The following FMNL2 variants were observed in gnomAD, a reference collection of about 807,000 sequenced individuals.
FMNL2 encodes formin like 2.
A neutral mutation model predicts 130.2 loss-of-function variants in FMNL2; 51 were observed. The observed-to-expected ratio is 0.39, with a 90% confidence interval of 0.31 to 0.49. FMNL2 has a LOEUF of 0.49. Ranked by LOEUF, FMNL2 falls within the 20% of genes least tolerant of loss-of-function variation. The pLI is 0.85. For synonymous variants in FMNL2, 465 were observed against 467.1 expected, an observed-to-expected ratio of 1.00 and a Z score of 0.06; for missense variants, 977 against 1,316.2, an observed-to-expected ratio of 0.74 and a Z score of 3.99.
At chr2:152,585,159 T>C (rs1449588555) in intron 9 of FMNL2, among the ~76,000 whole-genome samples, 1 of 152,216 alleles carries the variant, frequency 6.6e-6, no homozygotes, top group African/African-American at 2.4e-5. Context: ...TTGAATTCTT[T>C]TTTCCTTAAA....
At chr2:152,375,315 G>A (rs987485151) in intron 1 of FMNL2, among the ~76,000 whole-genome samples, 3 of 152,238 alleles carry the variant, frequency 2.0e-5, no homozygotes, top group Non-Finnish European at 2.9e-5. Context: ...ACCAGCAGTA[G>A]CTCTTCAGCC....
At position 152,487,504 on chromosome 2, in the gene FMNL2, A is replaced by T. The variant is rs1246074762; in HGVS notation, c.118-34439A>T. ...ACATTATCTATCAATGATATCGGCGAAAACTAAAATTATTAGGAAGTAAGC... is the reference window on the plus strand; with the variant it reads ...ACATTATCTATCAATGATATCGGCGTAAACTAAAATTATTAGGAAGTAAGC... On this transcript the variant is annotated intron_variant, in intron 1 of 25. Coordinates refer to ENST00000288670, the MANE Select transcript of FMNL2 (RefSeq NM_052905.4). Among the ~76,000 whole-genome samples, 4 of 152,248 alleles carry T rather than the reference A, an allele frequency of 2.6e-5. No individual in the cohort carries two copies. In the East Asian group the frequency reaches 7.7e-4, roughly 29 times the overall value.
intron 3 of FMNL2, among the ~76,000 whole-genome samples, chr2:152,547,653 G>C (rs537471346): frequency 6.6e-6 from 1 of 152,142 alleles, no homozygotes; most frequent in African/African-American, 2.4e-5. Context: ...AGGTGTGGGC[G>C]TAGCTCTTGC....
intron 1 of FMNL2, among the ~76,000 whole-genome samples, chr2:152,466,884 A>AT (rs2105158111): frequency 6.6e-6 from 1 of 152,060 alleles, no homozygotes; most frequent in East Asian, 1.9e-4. Flanking sequence ...CTTTCTATGG[A>AT]TTTTTGGTTG....
chr2:152,583,232 T>C (rs751449566), intron 9 of FMNL2, among the ~76,000 whole-genome samples: 19 of 151,944 alleles, frequency 1.3e-4, no homozygotes, highest in Non-Finnish European at 2.4e-4. Flanking sequence ...TAATCAGGAG[T>C]GATGGTAGGT....
intron 1 of FMNL2, among the ~76,000 whole-genome samples, chr2:152,452,500 A>G (rs76968526): frequency 0.088 from 13,323 of 150,560 alleles, 865 homozygotes; most frequent in Admixed American, 0.22. Context: ...TTCTTGGCAA[A>G]GGCGAATCAA....
intron 6 of FMNL2, among the ~76,000 whole-genome samples, chr2:152,569,179 G>C (rs1293584676): frequency 1.4e-5 from 2 of 144,332 alleles, no homozygotes; most frequent in African/African-American, 5.2e-5. Flanking sequence ...ACTTTAACCA[G>C]AACACTAACT....
rs765781840 is a variant in FMNL2 at position 152,560,910 on chromosome 2, T to C, written c.471T>C (p.Thr157=). 16 of 1,612,850 alleles carry C rather than the reference T, an allele frequency of 9.9e-6. 1 individual carries two copies. The South Asian group carries it at 1.7e-4, about 17-fold the overall frequency. Reference sequence around the variant, plus strand: ...TTGACTTTGAAAGTGTGGAGAGTACTGTGGAGAGCTCGGTGGACAAATCAA... The same window carrying C: ...TTGACTTTGAAAGTGTGGAGAGTACCGTGGAGAGCTCGGTGGACAAATCAA... ...VTFDFESVES[T]VESSVDKSKP... Residue 157 remains threonine, a synonymous_variant, in exon 6 of 26, where the codon ACT becomes ACC. Transcript: ENST00000288670.
At chr2:152,420,093 T>C (rs1686830703) in intron 1 of FMNL2, among the ~76,000 whole-genome samples, 1 of 152,150 alleles carries the variant, frequency 6.6e-6, no homozygotes, top group South Asian at 2.1e-4. Context: ...ACCAAAAGGC[T>C]AAAGCAGTAA....
chr2:152,446,142 G>A (rs1425942948), intron 1 of FMNL2, among the ~76,000 whole-genome samples: 4 of 152,182 alleles, frequency 2.6e-5, no homozygotes, highest in Non-Finnish European at 5.9e-5. Flanking sequence ...CTCATACTTG[G>A]CATTATAGTC....
At chr2:152,478,237 TA>T (rs1690266749) in intron 1 of FMNL2, among the ~76,000 whole-genome samples, 2 of 41,890 alleles carry the variant, frequency 4.8e-5, no homozygotes, top group African/African-American at 6.8e-5. Flanking sequence ...TACATATATA[TA>T]TATATATATA....
At chr2:152,420,867 A>G (rs530528091) in intron 1 of FMNL2, among the ~76,000 whole-genome samples, 2 of 152,194 alleles carry the variant, frequency 1.3e-5, no homozygotes, top group Non-Finnish European at 2.9e-5. Flanking sequence ...TCCCAGTTGT[A>G]GAAGCATCAT....
At chr2:152,617,660 G>A (rs1351234591) in intron 13 of FMNL2, among the ~76,000 whole-genome samples, 3 of 148,622 alleles carry the variant, frequency 2.0e-5, no homozygotes, top group African/African-American at 7.3e-5. Context: ...CCAAAAAAAG[G>A]GAGGGGATGT....
intron 2 of FMNL2, among the ~76,000 whole-genome samples, chr2:152,527,607 A>T (rs1032863082): frequency 6.6e-5 from 10 of 152,174 alleles, no homozygotes; most frequent in South Asian, 2.1e-4. Flanking sequence ...GGATTAATAG[A>T]TACCTCATAA....
At chr2:152,505,473 T>C (rs978596332) in intron 1 of FMNL2, among the ~76,000 whole-genome samples, 2 of 152,246 alleles carry the variant, frequency 1.3e-5, no homozygotes, top group Non-Finnish European at 1.5e-5. Context: ...ATTGCTTTTC[T>C]TGTAATATTT....
rs1699093954 is a variant in FMNL2 at position 152,619,030 on chromosome 2, G to A, written c.1499G>A (p.Gly500Asp). The A allele has an allele frequency of 1.2e-6, 2 of 1,614,038 alleles. No homozygotes were observed. Among genetic ancestry groups the A allele is most frequent in the East Asian group, 2.2e-5 (1 of 44,884 alleles). Residue 500 changes from glycine to aspartate, a missense_variant, in exon 14 of 26, where the codon GGC becomes GAC. Physicochemically the swap from Gly to Asp is moderately conservative, Grantham distance 94. This residue lies in a region of FMNL2 where 689 missense variants were observed against 995.9 expected (regional missense o/e 0.69). Transcript: ENST00000288670. ...GCCATACTGCCAGTTGTGGCTTCTGGCACATTGTCCATGGGGTCAGAAGTG... is the reference window on the plus strand; with the variant it reads ...GCCATACTGCCAGTTGTGGCTTCTGACACATTGTCCATGGGGTCAGAAGTG... Reference protein sequence around the residue: ...DIAILPVVASGTLSMGSEVVA... With the variant: ...DIAILPVVASDTLSMGSEVVA...
intron 1 of FMNL2, among the ~76,000 whole-genome samples, chr2:152,353,510 C>T (rs73005020): frequency 0.059 from 9,047 of 152,206 alleles, 842 homozygotes; most frequent in African/African-American, 0.2. Context: ...TGTTAGAAAG[C>T]CCACAGTCTT....
At chr2:152,347,319 A>G (rs574407083) in intron 1 of FMNL2, among the ~76,000 whole-genome samples, 46 of 152,312 alleles carry the variant, frequency 3.0e-4, no homozygotes, top group African/African-American at 1.1e-3. Flanking sequence ...AAGTGACTCT[A>G]ACCATGAGGT....
chr2:152,440,291 C>T (rs1196419411), intron 1 of FMNL2, among the ~76,000 whole-genome samples: 1 of 152,122 alleles, frequency 6.6e-6, no homozygotes, highest in Non-Finnish European at 1.5e-5. Context: ...GCAGCCAACT[C>T]AGCTGGGAAG....
Sources: allele counts gnomAD v4.1 joint callset (sites outside exome capture counted in the v4.1 genomes callset), GRCh38; gene constraint gnomAD v4.1.1; regional missense constraint gnomAD v4.1.1; transcripts MANE v1.5; gene names NCBI Gene and HGNC (gene_info 2026-07-23, HGNC 2026-07-21).